Variants in PTPN12 observed in about 807,000 individuals in gnomAD.
PTPN12 encodes the protein protein tyrosine phosphatase non-receptor type 12.
PTPN12 carries 29 observed loss-of-function variants against 97.6 expected under a neutral mutation model. The ratio of observed to expected loss-of-function variants is 0.30; its 90% confidence interval spans 0.22 to 0.41. PTPN12 has a LOEUF of 0.41. Among genes scored for constraint, PTPN12 ranks in the 10% least tolerant of loss-of-function variants. The pLI is 1.00. For synonymous variants in PTPN12, 327 were observed against 300.4 expected (o/e 1.09, Z -0.91); for missense variants, 819 against 926.0 (o/e 0.88, Z 1.50).
intron 16 of PTPN12, among the ~76,000 whole-genome samples, chr7:77,638,186 C>T (rs563717876): frequency 2.0e-5 from 3 of 151,866 alleles, no homozygotes; most frequent in Admixed American, 6.6e-5. Flanking sequence ...TCTCGATATC[C>T]TGACCTCATG....
At chr7:77,618,238 A>G (rs180696285) in intron 11 of PTPN12, among the ~76,000 whole-genome samples, 31 of 152,218 alleles carry the variant, frequency 2.0e-4, no homozygotes, top group African/African-American at 7.5e-4. Context: ...ATGTGTTGAA[A>G]TGCTGCTGTA....
In PTPN12 at chr7:77,627,113, A is replaced by G. The variant is rs199590918; in HGVS notation, c.1434A>G (p.Pro478=). The G allele has an allele frequency of 1.5e-5, 24 of 1,614,202 alleles. No individual in the cohort carries two copies. Among genetic ancestry groups the G allele is most frequent in the African/African-American group, 6.7e-5 (5 of 75,062 alleles). The part of the protein sequence containing the change: ...SPCIADKISK[P]QELSSDLNVG... Reference sequence around the variant, plus strand: ...GTATAGCTGATAAAATCTCTAAGCCACAGGAATTAAGTTCAGATCTAAATG... The same window carrying G: ...GTATAGCTGATAAAATCTCTAAGCCGCAGGAATTAAGTTCAGATCTAAATG... Residue 478 remains proline (P), a synonymous_variant, in exon 13 of 18, where the codon CCA becomes CCG. Transcript: ENST00000248594.
At chr7:77,600,071 T>A (rs1192022732) in intron 7 of PTPN12, among the ~76,000 whole-genome samples, 1 of 152,214 alleles carries the variant, frequency 6.6e-6, no homozygotes, top group Non-Finnish European at 1.5e-5. Flanking sequence ...TATTTAAAGC[T>A]CATAGACTCC....
rs1788721530 is a variant in PTPN12 at position 77,615,571 on chromosome 7, ACCC to A, written c.940-2907_940-2905del. Among the ~76,000 whole-genome samples, 3 of 152,216 alleles carry A rather than the reference ACCC, an allele frequency of 2.0e-5. 1 individual carries two copies. Among genetic ancestry groups the A allele is most frequent in the African/African-American group, 7.2e-5 (3 of 41,546 alleles). ...AGACCTGCCAGGGCGACAAAGCGAGACCCCATCTATACAAAACAATTTTTTTTT... is the reference window on the plus strand; with the variant it reads ...AGACCTGCCAGGGCGACAAAGCGAGACATCTATACAAAACAATTTTTTTTT... On this transcript the variant is annotated intron_variant, in intron 11 of 17. Coordinates refer to ENST00000248594, the MANE Select transcript of PTPN12 (RefSeq NM_002835.4).
chr7:77,638,124 AT>A (rs1249588060), intron 16 of PTPN12, among the ~76,000 whole-genome samples: 1 of 150,226 alleles, frequency 6.7e-6, no homozygotes, highest in Non-Finnish European at 1.5e-5. Flanking sequence ...CGCCTGGCTA[AT>A]TTTTTTGTAT....
At chr7:77,637,291 A>T (rs1336312300) in intron 16 of PTPN12, among the ~76,000 whole-genome samples, 1 of 152,222 alleles carries the variant, frequency 6.6e-6, no homozygotes, top group Non-Finnish European at 1.5e-5. Context: ...GCTAATGGGA[A>T]AGAGATTTTT....
chr7:77,606,847 C>T (rs868436469), intron 8 of PTPN12: 2 of 166,718 alleles, frequency 1.2e-5, no homozygotes, highest in South Asian at 1.5e-4. Context: ...GTCATGGTGT[C>T]CCAGTGGTTA....
intron 6 of PTPN12, among the ~76,000 whole-genome samples, chr7:77,597,410 A>G (rs906454649): frequency 6.6e-6 from 1 of 152,222 alleles, no homozygotes; most frequent in Non-Finnish European, 1.5e-5. Context: ...GGCATGAGCC[A>G]CTGCTCCCAG....
chr7:77,625,994 T>C (rs944956097), intron 12 of PTPN12, among the ~76,000 whole-genome samples: 1 of 152,110 alleles, frequency 6.6e-6, no homozygotes, highest in Non-Finnish European at 1.5e-5. Context: ...GAGAGAACAT[T>C]AGCTCTGTGA....
chr7:77,604,360 CAT>C, intron 8 of PTPN12, among the ~76,000 whole-genome samples: 3 of 151,674 alleles, frequency 2.0e-5, no homozygotes, highest in Non-Finnish European at 4.4e-5. Flanking sequence ...GGATTATAGG[CAT>C]GCACCACCAC....
Position 77,618,586 on chromosome 7 carries a change from T to C in PTPN12, c.1025+21T>C, listed in dbSNP as rs184969131. On this transcript the variant is annotated intron_variant, in intron 12 of 17. Transcript: ENST00000248594. Reference sequence around the variant, plus strand: ...CGCAGGTATTGTATGTCTTCGAACATTTTCTTTAAAAGCATACTTGTTTCT... The same window carrying C: ...CGCAGGTATTGTATGTCTTCGAACACTTTCTTTAAAAGCATACTTGTTTCT... 754 of 1,513,958 alleles carry C rather than the reference T, an allele frequency of 5.0e-4. 4 individuals carry two copies. Among genetic ancestry groups the C allele is most frequent in the Non-Finnish European group, 1.9e-4 (209 of 1,098,118 alleles). 93.8% of individuals were successfully genotyped at this position (1,513,958 alleles called of 1,614,324 possible).
intron 11 of PTPN12, among the ~76,000 whole-genome samples, chr7:77,613,937 G>T (rs543565128): frequency 5.8e-4 from 88 of 152,090 alleles, no homozygotes; most frequent in African/African-American, 1.1e-3. Context: ...TTTCACCCAG[G>T]CCAGAGTGCA....
chr7:77,539,644 C>T (rs762347966), intron 1 of PTPN12, among the ~76,000 whole-genome samples: 42 of 151,592 alleles, frequency 2.8e-4, no homozygotes, highest in Admixed American at 3.9e-4. Flanking sequence ...TTTTTTGAGA[C>T]GGAGTCTCGC....
Position 77,585,424 on chromosome 7 carries a change from T to C in PTPN12, c.382-119T>C. ...TACACATTTAATATTGAAACTACTT[T>C]TTTAGGCAAGCCAATTATACTTCTC... On this transcript the variant is annotated intron_variant, in intron 4 of 17. Coordinates refer to ENST00000248594, the MANE Select transcript of PTPN12 (RefSeq NM_002835.4). 5.0e-6 allele frequency: 4 copies of C among 800,842 alleles called. No individual in the cohort carries two copies. The South Asian group carries it at 5.4e-5, about 11-fold the overall frequency. The allele number at this position is 800,842 out of a possible 1,614,324, so 49.6% of individuals were successfully genotyped here. A position where few individuals can be genotyped will look rare whatever the true frequency, so the allele number is the denominator to read the frequency against.
In PTPN12 at chr7:77,607,311, A is replaced by AT. The variant is rs1584182827; in HGVS notation, c.762+16dup. 6.3e-7 allele frequency: 1 copy of AT among 1,583,342 alleles called. No individual in the cohort carries two copies. The highest frequency in any genetic ancestry group is 8.7e-7 in the Non-Finnish European group (1 of 1,153,270). ...TTTACTAAAAGCTGGGGTAAGAATA[A>AT]TTTTTTGTAGCATTATGTTCAATTG... On this transcript the variant is annotated intron_variant, in intron 9 of 17. Transcript: ENST00000248594.
chr7:77,544,591 CTG>C (rs1278635331), intron 1 of PTPN12, among the ~76,000 whole-genome samples: 1 of 152,182 alleles, frequency 6.6e-6, no homozygotes, highest in East Asian at 1.9e-4. Flanking sequence ...AAGGATGAAA[CTG>C]AAAGTAAGAC....
chr7:77,569,558 G>C (rs1465024663), intron 1 of PTPN12, among the ~76,000 whole-genome samples: 2 of 152,116 alleles, frequency 1.3e-5, no homozygotes, highest in South Asian at 4.1e-4. Flanking sequence ...ATCACCTAAG[G>C]TCAGGAGTTC....
intron 5 of PTPN12, among the ~76,000 whole-genome samples, chr7:77,590,795 C>T (rs1172750471): frequency 6.6e-6 from 1 of 152,016 alleles, no homozygotes; most frequent in Admixed American, 6.6e-5. Flanking sequence ...AACTCCTTGC[C>T]TTAAGTCATC....
In PTPN12 at chr7:77,581,540, T is replaced by G. The variant is rs757108426; in HGVS notation, c.285+37T>G. 1.1e-5 allele frequency: 14 copies of G among 1,319,494 alleles called. No individual in the cohort carries two copies. The African/African-American group carries it at 1.8e-4, about 17-fold the overall frequency. The allele number at this position is 1,319,494 out of a possible 1,614,324, so 81.7% of individuals were successfully genotyped here. ...CTTTAAATGGTGTTTCTCTGCCATA[T>G]TAATGTCTTTCTACATACTAGTTTT... On this transcript the variant is annotated intron_variant, in intron 3 of 17. Coordinates refer to ENST00000248594, the MANE Select transcript of PTPN12 (RefSeq NM_002835.4).
Sources: allele counts gnomAD v4.1 joint callset (sites outside exome capture counted in the v4.1 genomes callset), GRCh38; gene constraint gnomAD v4.1.1; transcripts MANE v1.5; gene names NCBI Gene and HGNC (gene_info 2026-07-23, HGNC 2026-07-21).